The following LRP2 variants were observed in gnomAD, a reference collection of about 807,000 sequenced individuals.
LRP2 encodes the protein low-density lipoprotein receptor-related protein 2.
In LRP2, 172 loss-of-function variants were observed where a neutral mutation model predicts 531.0. That is an observed-to-expected ratio of 0.32 (90% CI 0.29 to 0.37). LRP2 has a LOEUF of 0.37. Among genes scored for constraint, LRP2 ranks in the 10% least tolerant of loss-of-function variants. The pLI is 1.00. For synonymous variants in LRP2, 1,992 were observed against 2,027.6 expected, an observed-to-expected ratio of 0.98 and a Z score of 0.47; for missense variants, 5,167 against 5,868.3, an observed-to-expected ratio of 0.88 and a Z score of 3.90.
At chr2:169,262,777 C>T (rs112965156) in intron 16 of LRP2, among the ~76,000 whole-genome samples, 58 of 151,150 alleles carry the variant, frequency 3.8e-4, no homozygotes, top group Admixed American at 2.0e-3. Flanking sequence ...AAAAAGAGCC[C>T]GCATCGCCAA....
At position 169,188,248 on chromosome 2, in the gene LRP2, T is replaced by A. The variant is rs576345772; in HGVS notation, c.9050A>T (p.Asp3017Val). 1 of 1,614,156 alleles carries A rather than the reference T, an allele frequency of 6.2e-7. No homozygotes were observed. Among genetic ancestry groups the A allele is most frequent in the African/African-American group, 1.3e-5 (1 of 75,048 alleles). The change falls in exon 49 of 79, where the codon GAC (aspartate) becomes GTC (valine). Residue 3017 changes from aspartate (D) to valine (V), a missense_variant. By Grantham distance (152) the Asp-to-Val change is radical. Around this residue, in one of 6 missense-constraint regions of LRP2, gnomAD observed 1,129 missense variants for 1,362.7 expected, o/e 0.83. Coordinates refer to ENST00000649046, the MANE Select transcript of LRP2 (RefSeq NM_004525.3). ...PKIFRCDRHN[D>V]CGDYSDERGC... ...CCTCTCGTCGCTATAGTCACCACAG[T>A]CATTGTGCCGGTCACACCTGTATCA...
At chr2:169,300,363 G>A (rs1340694258) in intron 4 of LRP2, among the ~76,000 whole-genome samples, 1 of 152,034 alleles carries the variant, frequency 6.6e-6, no homozygotes, top group East Asian at 1.9e-4. Context: ...TAGCATAATG[G>A]CAGTCATTGG....
intron 1 of LRP2, among the ~76,000 whole-genome samples, chr2:169,338,359 G>GGAAGGAAAGAAAGAAAGAAA (rs1685467215): frequency 3.9e-5 from 3 of 76,566 alleles, no homozygotes; most frequent in Admixed American, 1.4e-4. Flanking sequence ...AAAGAAAGAA[G>GGAAGGAAAGAAAGAAAGAAA]GAAAGAAAGA....
intron 48 of LRP2, among the ~76,000 whole-genome samples, chr2:169,188,564 T>C (rs773270058): frequency 6.6e-6 from 1 of 152,230 alleles, no homozygotes; most frequent in Non-Finnish European, 1.5e-5. Context: ...AGTAGGTCTA[T>C]AGCTATTAAA....
chr2:169,297,008 G>C (rs1684149511), intron 4 of LRP2, among the ~76,000 whole-genome samples: 1 of 152,106 alleles, frequency 6.6e-6, no homozygotes, highest in South Asian at 2.1e-4. Flanking sequence ...TGCACACCTT[G>C]ATCTCTTCGG....
rs1688613243 is a variant in LRP2 at position 169,212,059 on chromosome 2, A to G, written c.6189T>C (p.Ser2063=). The change falls in exon 37 of 79, where the codon TCT becomes TCC. Residue 2063 remains serine, a synonymous_variant. Transcript: ENST00000649046. ...CAGACAGCATTGAAACAACAATGAA[A>G]GAGTTATATGGAGAGCAGGACCGAT... ...PDNRSCSPYN[S]FIVVSMLSAI... The G allele has an allele frequency of 1.2e-6, 2 of 1,613,946 alleles. No individual in the cohort carries two copies. The highest frequency in any genetic ancestry group is 1.6e-4 in the Middle Eastern group (1 of 6,080).
At chr2:169,247,258 A>G in intron 20 of LRP2, 120 bp downstream of exon 20, 1 of 1,089,182 alleles carries the variant, frequency 9.2e-7, no homozygotes, top group Non-Finnish European at 1.3e-6. Flanking sequence ...GAACGACAAG[A>G]ATATAAAACT....
chr2:169,339,123 T>C (rs867224891), intron 1 of LRP2, among the ~76,000 whole-genome samples: 102 of 151,906 alleles, frequency 6.7e-4, no homozygotes, highest in African/African-American at 2.3e-3. Context: ...TTTTTGCTTC[T>C]TATATATTTG....
chr2:169,324,885 T>C lies in LRP2; in HGVS notation c.80-4001A>G, dbSNP rs371926201. Among the ~76,000 whole-genome samples the C allele has an allele frequency of 1.6e-4, 25 of 152,124 alleles. 1 individual carries two copies. Among genetic ancestry groups the C allele is most frequent in the African/African-American group, 5.6e-4 (23 of 41,422 alleles). ...TAGCTAATGCATGTTCGTCAGGAAGTGTAGAATTCTCTTTGTAAAACTCAG... is the reference window on the plus strand; with the variant it reads ...TAGCTAATGCATGTTCGTCAGGAAGCGTAGAATTCTCTTTGTAAAACTCAG... On this transcript the variant is annotated intron_variant, in intron 1 of 78. Coordinates refer to ENST00000649046, the MANE Select transcript of LRP2 (RefSeq NM_004525.3).
At chr2:169,218,778 A>G (rs1238653473) in intron 34 of LRP2, among the ~76,000 whole-genome samples, 2 of 152,106 alleles carry the variant, frequency 1.3e-5, no homozygotes, top group Admixed American at 6.6e-5. Flanking sequence ...CAAATTTCTG[A>G]ACGTTCTTTC....
Position 169,178,076 on chromosome 2 carries a change from C to A in LRP2, c.10170-50G>T, listed in dbSNP as rs747671365. 3.8e-5 allele frequency: 50 copies of A among 1,302,702 alleles called. No individual in the cohort carries two copies. In the South Asian group the frequency reaches 4.2e-4, roughly 11 times the overall value. The allele number at this position is 1,302,702 out of a possible 1,614,324, so 80.7% of individuals were successfully genotyped here. On this transcript the variant is annotated intron_variant, in intron 52 of 78. Coordinates refer to ENST00000649046, the MANE Select transcript of LRP2 (RefSeq NM_004525.3). The stretch of plus-strand genomic sequence containing the variant: ...ATGTGATAAAGGTAATTCCTCTCCT[C>A]TAATGTCTTGCAGGATAAAAGAATT...
intron 17 of LRP2, 152 bp downstream of exon 17, chr2:169,258,873 G>C: frequency 2.7e-6 from 2 of 736,292 alleles, no homozygotes; most frequent in Non-Finnish European, 4.5e-6. Context: ...AAAGTTTTTT[G>C]GAGGAAAAAA....
Position 169,154,464 on chromosome 2 carries a change from G to A in LRP2, c.12291C>T (p.Gly4097=). 6.2e-7 allele frequency: 1 copy of A among 1,611,758 alleles called. No individual in the cohort carries two copies. Among genetic ancestry groups the A allele is most frequent in the Non-Finnish European group, 8.5e-7 (1 of 1,178,072 alleles). The stretch of plus-strand genomic sequence containing the variant: ...GATGCCAAAGTTTATACTCACTGAG[G>A]CCTATGTCCTTGGGATCCCAATCAT... The part of the protein sequence containing the change: ...VDYDWDPKDI[G]LSVVYYTVRG... The change falls in exon 66 of 79, where the codon GGC becomes GGT. Residue 4097 remains glycine (G), a synonymous_variant. Transcript: ENST00000649046.
Position 169,139,233 on chromosome 2 carries a change from C to A in LRP2, c.13388+18G>T. The A allele has an allele frequency of 1.2e-6, 2 of 1,614,118 alleles. No homozygotes were observed. The highest frequency in any genetic ancestry group is 2.2e-5 in the East Asian group (1 of 44,886). On this transcript the variant is annotated intron_variant, in intron 74 of 78. Transcript: ENST00000649046. ...TTCTTAGGCTTCAAACATCAACGTTCCCCATAATGAAACTGACCTTGGCAG... is the reference window on the plus strand; with the variant it reads ...TTCTTAGGCTTCAAACATCAACGTTACCCATAATGAAACTGACCTTGGCAG...
intron 77 of LRP2, among the ~76,000 whole-genome samples, chr2:169,129,417 G>C (rs1032400265): frequency 1.3e-5 from 2 of 152,212 alleles, no homozygotes; most frequent in African/African-American, 4.8e-5. Flanking sequence ...TGCACAAGAT[G>C]CATCTGGAGA....
chr2:169,160,168 G>A (rs1045870555), intron 63 of LRP2, among the ~76,000 whole-genome samples: 3 of 152,100 alleles, frequency 2.0e-5, no homozygotes, highest in Non-Finnish European at 2.9e-5. Context: ...AATAATATTT[G>A]CAACCTGAGG....
intron 13 of LRP2, 129 bp from the exon 14 acceptor site, chr2:169,275,367 A>G: frequency 1.4e-6 from 1 of 739,810 alleles, no homozygotes; most frequent in East Asian, 2.7e-5. Context: ...GAATAGATAG[A>G]AAAGATACAT....
At chr2:169,207,312 C>G in intron 38 of LRP2, 62 bp from the exon 39 acceptor site, 5 of 1,207,516 alleles carry the variant, frequency 4.1e-6, no homozygotes, top group Non-Finnish European at 4.9e-6. Context: ...AAAGGGAGAA[C>G]TTTACAAATT....
At position 169,292,245 on chromosome 2, in the gene LRP2, C is replaced by G; in HGVS notation, c.769+8G>C. ...TGCTTTTCAGTAGGAATCTCTTCCC[C>G]TCCTTACCACATCCATCTTCATCTC... On this transcript the variant is annotated splice_region_variant and intron_variant, in intron 7 of 78. Coordinates refer to ENST00000649046, the MANE Select transcript of LRP2 (RefSeq NM_004525.3). 1.3e-6 allele frequency: 2 copies of G among 1,581,856 alleles called. No homozygotes were observed. Among genetic ancestry groups the G allele is most frequent in the Non-Finnish European group, 1.7e-6 (2 of 1,150,612 alleles).
Sources: allele counts gnomAD v4.1 joint callset (sites outside exome capture counted in the v4.1 genomes callset), GRCh38; gene constraint gnomAD v4.1.1; regional missense constraint gnomAD v4.1.1; transcripts MANE v1.5; gene names NCBI Gene and HGNC (gene_info 2026-07-23, HGNC 2026-07-21).